The following CDH13 variants were observed in gnomAD, a reference collection of about 807,000 sequenced individuals.
CDH13 encodes cadherin 13.
A neutral mutation model predicts 63.8 loss-of-function variants in CDH13; 24 were observed. The ratio of observed to expected loss-of-function variants is 0.38; its 90% confidence interval spans 0.27 to 0.53. The LOEUF (loss-of-function observed/expected upper bound fraction) is 0.53, where lower values mean the gene tolerates loss of function less well. CDH13 is among the 20% of genes least tolerant of loss of function. The pLI is 0.85. For synonymous variants in CDH13, 503 were observed against 355.3 expected, an observed-to-expected ratio of 1.42 and a Z score of -4.67; for missense variants, 1,049 against 903.1, an observed-to-expected ratio of 1.16 and a Z score of -2.07.
intron 1 of CDH13, among the ~76,000 whole-genome samples, chr16:82,754,161 C>G (rs1421795590): frequency 6.6e-6 from 1 of 152,118 alleles, no homozygotes. Context: ...ACTTAGTGTA[C>G]AGTAACTCTA....
chr16:82,822,566 AG>A (rs1290325125), intron 1 of CDH13, among the ~76,000 whole-genome samples: 2 of 152,184 alleles, frequency 1.3e-5, no homozygotes, highest in African/African-American at 4.8e-5. Flanking sequence ...GTGCGATCAA[AG>A]CTCACTGTAG....
intron 8 of CDH13, among the ~76,000 whole-genome samples, chr16:83,620,389 CAA>C (rs60446363): frequency 4.2e-3 from 409 of 97,342 alleles, no homozygotes; most frequent in African/African-American, 0.01. Flanking sequence ...GACTCCGTCT[CAA>C]AAAAAAAAAA....
intron 7 of CDH13, among the ~76,000 whole-genome samples, chr16:83,594,643 G>C (rs1907085805): frequency 6.6e-6 from 1 of 152,220 alleles, no homozygotes; most frequent in Non-Finnish European, 1.5e-5. Flanking sequence ...GTAGAGTGCA[G>C]TTCAAGACCA....
chr16:83,595,911 A>T (rs1907208163), intron 7 of CDH13, among the ~76,000 whole-genome samples: 1 of 152,236 alleles, frequency 6.6e-6, no homozygotes, highest in Non-Finnish European at 1.5e-5. Flanking sequence ...ATACAGTGGA[A>T]TGAGTTACAG....
intron 7 of CDH13, among the ~76,000 whole-genome samples, chr16:83,596,155 G>A (rs903020351): frequency 6.6e-6 from 1 of 152,146 alleles, no homozygotes; most frequent in Admixed American, 6.5e-5. Context: ...TGATAATGGG[G>A]CCCCCTTCTC....
At chr16:83,429,874 C>T (rs1419952793) in intron 6 of CDH13, among the ~76,000 whole-genome samples, 2 of 152,192 alleles carry the variant, frequency 1.3e-5, no homozygotes, top group Non-Finnish European at 2.9e-5. Flanking sequence ...GCTTATTCAG[C>T]TTGCCAAAAG....
chr16:83,269,085 T>C (rs1056241293), intron 5 of CDH13, among the ~76,000 whole-genome samples: 8 of 152,230 alleles, frequency 5.3e-5, no homozygotes, highest in Admixed American at 2.0e-4. Context: ...AAACAATGAC[T>C]TCATAATCTA....
At chr16:82,746,548 T>A (rs564756583) in intron 1 of CDH13, among the ~76,000 whole-genome samples, 2 of 152,256 alleles carry the variant, frequency 1.3e-5, no homozygotes, top group Non-Finnish European at 2.9e-5. Flanking sequence ...AGCAGAAATA[T>A]GACTTTATGC....
chr16:83,546,454 G>A (rs2075387956), intron 7 of CDH13, among the ~76,000 whole-genome samples: 1 of 149,848 alleles, frequency 6.7e-6, no homozygotes, highest in Admixed American at 6.6e-5. Context: ...AATCAAAGAA[G>A]AAAATAGCTA....
chr16:82,849,992 A>C (rs896308082), intron 1 of CDH13, among the ~76,000 whole-genome samples: 1 of 152,202 alleles, frequency 6.6e-6, no homozygotes, highest in African/African-American at 2.4e-5. Context: ...GTTTTAATGG[A>C]GGTATATAAG....
intron 7 of CDH13, among the ~76,000 whole-genome samples, chr16:83,501,493 A>T (rs2074282659): frequency 6.6e-6 from 1 of 152,206 alleles, no homozygotes; most frequent in Non-Finnish European, 1.5e-5. Flanking sequence ...ATGTTAGAAT[A>T]TCTAATAGGT....
chr16:82,673,846 G>C (rs1396365405), intron 1 of CDH13, among the ~76,000 whole-genome samples: 1 of 152,202 alleles, frequency 6.6e-6, no homozygotes, highest in Non-Finnish European at 1.5e-5. Flanking sequence ...AGAGGCAACT[G>C]TATGGGCAGC....
At chr16:83,593,858 C>G (rs944159872) in intron 7 of CDH13, among the ~76,000 whole-genome samples, 2 of 152,160 alleles carry the variant, frequency 1.3e-5, no homozygotes, top group Non-Finnish European at 2.9e-5. Context: ...AATCAGTAAA[C>G]AAGCACATTA....
At chr16:82,900,730 C>G (rs1439675083) in intron 2 of CDH13, among the ~76,000 whole-genome samples, 1 of 152,094 alleles carries the variant, frequency 6.6e-6, no homozygotes, top group African/African-American at 2.4e-5. Flanking sequence ...CTGGGAGAGG[C>G]CAGTGCTAAG....
chr16:83,385,923 C>T (rs1343703293), intron 6 of CDH13, among the ~76,000 whole-genome samples: 1 of 152,186 alleles, frequency 6.6e-6, no homozygotes, highest in Non-Finnish European at 1.5e-5. Context: ...GGGTGGTTAT[C>T]ACAATGTAGT....
chr16:82,808,113 C>A (rs2037245852), intron 1 of CDH13, among the ~76,000 whole-genome samples: 1 of 152,148 alleles, frequency 6.6e-6, no homozygotes, highest in African/African-American at 2.4e-5. Flanking sequence ...GCTCAGTGAG[C>A]CTGGGCAACA....
chr16:83,538,301 C>T lies in CDH13; in HGVS notation c.960+51646C>T, dbSNP rs149907406. Among the ~76,000 whole-genome samples the T allele has an allele frequency of 1.1e-4, 17 of 152,228 alleles. No homozygotes were observed. In the East Asian group the frequency reaches 2.3e-3, roughly 21 times the overall value. On this transcript the variant is annotated intron_variant, in intron 7 of 13. Coordinates refer to ENST00000567109, the MANE Select transcript of CDH13 (RefSeq NM_001257.5). ...TTTTCAGATTTATTTTGGTTTACAC[C>T]GTTTCCCAAGCATTAGTCATCACTG...
intron 5 of CDH13, among the ~76,000 whole-genome samples, chr16:83,311,002 C>A (rs1055328150): frequency 5.9e-5 from 9 of 152,196 alleles, no homozygotes; most frequent in African/African-American, 2.2e-4. Flanking sequence ...AAAGGTTATC[C>A]TCTTCCAGGA....
rs189243679 is a variant in CDH13 at position 83,065,176 on chromosome 16, C to T, written c.366+32958C>T. On this transcript the variant is annotated intron_variant, in intron 3 of 13. Coordinates refer to ENST00000567109, the MANE Select transcript of CDH13 (RefSeq NM_001257.5). ...TGTCTCCTGGTGATATACTGGACAG[C>T]ACAGCTTTAGAAAGAAGAGATTCTA... Among the ~76,000 whole-genome samples the T allele has an allele frequency of 9.9e-4, 150 of 152,268 alleles. 2 individuals carry two copies. Among genetic ancestry groups the T allele is most frequent in the African/African-American group, 3.4e-3 (140 of 41,548 alleles).
Sources: allele counts gnomAD v4.1 joint callset (sites outside exome capture counted in the v4.1 genomes callset), GRCh38; gene constraint gnomAD v4.1.1; transcripts MANE v1.5; gene names NCBI Gene and HGNC (gene_info 2026-07-23, HGNC 2026-07-21).